Variants in GRID2 observed in about 807,000 individuals in gnomAD.
GRID2 encodes glutamate ionotropic receptor delta type subunit 2, also known as glutamate receptor ionotropic, delta-2.
GRID2 carries 33 observed loss-of-function variants against 114.8 expected under a neutral mutation model. That is an observed-to-expected ratio of 0.29 (90% CI 0.22 to 0.38). The LOEUF (loss-of-function observed/expected upper bound fraction) is 0.38, where lower values mean the gene tolerates loss of function less well. Ranked by LOEUF, GRID2 falls within the 10% of genes least tolerant of loss-of-function variation. The probability of loss-of-function intolerance (pLI) is 1.00; values close to 1 mark genes in which losing one functional copy is unlikely to be tolerated. For synonymous variants in GRID2, 505 were observed against 449.9 expected, an observed-to-expected ratio of 1.12 and a Z score of -1.55; for missense variants, 1,184 against 1,257.7, an observed-to-expected ratio of 0.94 and a Z score of 0.89.
At chr4:93,634,484 A>T (rs1362533654) in intron 14 of GRID2, among the ~76,000 whole-genome samples, 1 of 152,194 alleles carries the variant, frequency 6.6e-6, no homozygotes, top group Admixed American at 6.5e-5. Context: ...TATGTTTCAT[A>T]TAATGCTTGC....
intron 10 of GRID2, among the ~76,000 whole-genome samples, chr4:93,434,031 C>A (rs370324224): frequency 6.6e-6 from 1 of 152,090 alleles, no homozygotes; most frequent in Non-Finnish European, 1.5e-5. Flanking sequence ...CATTTAATAC[C>A]CATGTGAGCC....
chr4:93,142,671 G>A (rs1476311292), intron 4 of GRID2, among the ~76,000 whole-genome samples: 6 of 152,010 alleles, frequency 3.9e-5, no homozygotes, highest in African/African-American at 9.7e-5. Context: ...ATTTCTGGTC[G>A]ATATGTACTT....
intron 2 of GRID2, among the ~76,000 whole-genome samples, chr4:92,718,162 A>G (rs903024538): frequency 2.0e-5 from 3 of 152,230 alleles, no homozygotes; most frequent in African/African-American, 7.2e-5. Context: ...TCATAAGGAA[A>G]AATTTGAGAC....
intron 1 of GRID2, among the ~76,000 whole-genome samples, chr4:93,792,812 C>T (rs1004689971): frequency 1.5e-4 from 23 of 152,246 alleles, no homozygotes; most frequent in African/African-American, 4.8e-4. Context: ...CAGTCTCACC[C>T]GGGTTGTTCT....
At chr4:93,689,590 A>G (rs1726366657) in intron 14 of GRID2, among the ~76,000 whole-genome samples, 1 of 152,022 alleles carries the variant, frequency 6.6e-6, no homozygotes, top group Admixed American at 6.6e-5. Flanking sequence ...TCATTAATTT[A>G]GCATTTTCTC....
At chr4:93,149,527 G>A (rs1239955702) in intron 4 of GRID2, among the ~76,000 whole-genome samples, 2 of 149,656 alleles carry the variant, frequency 1.3e-5, no homozygotes, top group East Asian at 4.0e-4. Context: ...AGTGAGCCAA[G>A]ATCACACCAC....
chr4:92,644,174 A>G (rs1731501497), intron 2 of GRID2, among the ~76,000 whole-genome samples: 1 of 151,748 alleles, frequency 6.6e-6, no homozygotes, highest in African/African-American at 2.4e-5. Context: ...TTTTCATTGA[A>G]AAAAGGGATT....
At chr4:93,115,047 G>A (rs1733106169) in intron 4 of GRID2, among the ~76,000 whole-genome samples, 2 of 151,496 alleles carry the variant, frequency 1.3e-5, no homozygotes, top group South Asian at 2.1e-4. Context: ...GAATTAATCA[G>A]GTAAACAGTG....
At chr4:93,194,352 T>G (rs2149451032) in intron 4 of GRID2, among the ~76,000 whole-genome samples, 1 of 152,332 alleles carries the variant, frequency 6.6e-6, no homozygotes, top group African/African-American at 2.4e-5. Flanking sequence ...GATTGAAGTA[T>G]AAATATAACA....
rs200750720 is a variant in GRID2 at position 92,557,591 on chromosome 4, A to G, written c.89-32540A>G. Reference sequence around the variant, plus strand: ...TACTGCAGAAATATATATAATATATACCTTATATTTGTGTATTAGATATTT... The same window carrying G: ...TACTGCAGAAATATATATAATATATGCCTTATATTTGTGTATTAGATATTT... On this transcript the variant is annotated intron_variant, in intron 1 of 15. Transcript: ENST00000282020. Among the ~76,000 whole-genome samples the G allele has an allele frequency of 8.0e-5, 12 of 149,728 alleles. No homozygotes were observed. In the East Asian group the frequency reaches 1.6e-3, roughly 20 times the overall value.
chr4:93,690,840 T>A (rs1406355968), intron 14 of GRID2, among the ~76,000 whole-genome samples: 1 of 150,024 alleles, frequency 6.7e-6, no homozygotes. Context: ...ATTTTATATA[T>A]AATATGTTGT....
intron 1 of GRID2, among the ~76,000 whole-genome samples, chr4:92,477,833 TA>T (rs1338462394): frequency 1.4e-5 from 2 of 147,398 alleles, no homozygotes; most frequent in East Asian, 1.9e-4. Flanking sequence ...ATATATATTT[TA>T]ATATATATAA....
chr4:93,364,403 C>T (rs981294790), intron 8 of GRID2, among the ~76,000 whole-genome samples: 2 of 151,792 alleles, frequency 1.3e-5, no homozygotes, highest in Non-Finnish European at 2.9e-5. Context: ...AATTTTTCTT[C>T]CATTATTTCT....
intron 6 of GRID2, among the ~76,000 whole-genome samples, chr4:93,220,068 A>G (rs554577873): frequency 5.9e-5 from 9 of 152,194 alleles, no homozygotes; most frequent in African/African-American, 2.2e-4. Context: ...AGATTGGTGT[A>G]TTGTCCCAAT....
At position 92,412,116 on chromosome 4, in the gene GRID2, C is replaced by T. The variant is rs528981893; in HGVS notation, c.88+107372C>T. ...GCAATTATATATCGTGTTTTTTGTG[C>T]CTGTGTGTGTGTGTGTGTGTGGTGT... On this transcript the variant is annotated intron_variant, in intron 1 of 15. Coordinates refer to ENST00000282020, the MANE Select transcript of GRID2 (RefSeq NM_001510.4). Among the ~76,000 whole-genome samples the T allele has an allele frequency of 6.8e-5, 10 of 146,366 alleles. No homozygotes were observed. The South Asian group carries it at 2.2e-3, about 32-fold the overall frequency.
At chr4:92,477,753 ATTTATATATCCTCT>A (rs1399697571) in intron 1 of GRID2, among the ~76,000 whole-genome samples, 5 of 147,972 alleles carry the variant, frequency 3.4e-5, no homozygotes, top group Non-Finnish European at 6.0e-5. Flanking sequence ...ATGTTTATAT[ATTTATATATCCTCT>A]TTTATATATA....
chr4:93,404,382 T>C (rs1392492820), intron 9 of GRID2, among the ~76,000 whole-genome samples: 2 of 152,102 alleles, frequency 1.3e-5, no homozygotes, highest in Non-Finnish European at 2.9e-5. Context: ...GTGAATTGTA[T>C]ATTATGTAAA....
At chr4:92,389,910 G>A (rs1730159596) in intron 1 of GRID2, among the ~76,000 whole-genome samples, 1 of 151,974 alleles carries the variant, frequency 6.6e-6, no homozygotes, top group South Asian at 2.1e-4. Context: ...CAAAATTGCA[G>A]GTGCTATGAA....
At chr4:92,737,062 A>G (rs1334205365) in intron 2 of GRID2, among the ~76,000 whole-genome samples, 1 of 152,056 alleles carries the variant, frequency 6.6e-6, no homozygotes, top group African/African-American at 2.4e-5. Flanking sequence ...AGAATTATGC[A>G]TTTTAGTTGG....
Sources: gnomAD v4.1 joint callset for allele counts (sites outside exome capture counted in the v4.1 genomes callset) on GRCh38, gnomAD v4.1.1 for gene constraint, MANE v1.5 for transcripts, NCBI Gene and HGNC (gene_info 2026-07-23, HGNC 2026-07-21) for gene names.